Variants in ABCA9 observed in about 807,000 individuals in gnomAD.
ABCA9 encodes the protein ATP binding cassette subfamily A member 9.
ABCA9 carries 183 observed loss-of-function variants against 205.3 expected under a neutral mutation model. That is an observed-to-expected ratio of 0.89 (90% CI 0.79 to 1.01). The LOEUF (loss-of-function observed/expected upper bound fraction) is 1.01, where lower values mean the gene tolerates loss of function less well. Among genes scored for constraint, ABCA9 ranks in the 50% least tolerant of loss-of-function variants. The probability of loss-of-function intolerance (pLI) is 0.00; values close to 1 mark genes in which losing one functional copy is unlikely to be tolerated. For missense variants in ABCA9, 1,805 were observed against 1,912.4 expected (o/e 0.94, Z 1.05); for synonymous variants, 651 against 683.3 (o/e 0.95, Z 0.74).
chr17:69,029,877 A>G lies in ABCA9; in HGVS notation c.1446-650T>C, dbSNP rs546968957. On this transcript the variant is annotated intron_variant, in intron 10 of 38. Transcript: ENST00000340001. ...ACCAGGAAAATGATTTAAAACAAAG[A>G]AAGATTCTTAAAAGAGGGCAAAGAA... Among the ~76,000 whole-genome samples the G allele has an allele frequency of 3.3e-5, 5 of 152,328 alleles. No homozygotes were observed. In the South Asian group the frequency reaches 1.0e-3, roughly 32 times the overall value.
chr17:69,039,240 G>T (rs958126279), intron 6 of ABCA9, among the ~76,000 whole-genome samples: 4 of 152,036 alleles, frequency 2.6e-5, no homozygotes, highest in Non-Finnish European at 5.9e-5. Flanking sequence ...AACCAAAAAA[G>T]AGCCCACATA....
chr17:69,021,947 G>A, intron 17 of ABCA9, 86 bp from the exon 18 acceptor site: 1 of 1,139,278 alleles, frequency 8.8e-7, no homozygotes, highest in Non-Finnish European at 1.2e-6. Context: ...TTGGTAATAG[G>A]CCAAATGTAC....
chr17:69,060,720 TA>T, intron 1 of ABCA9, 145 bp downstream of exon 1: 1 of 518,840 alleles, frequency 1.9e-6, no homozygotes, highest in Non-Finnish European at 2.5e-6. Flanking sequence ...ACATACAAAA[TA>T]AAATAGATGA....
At chr17:69,036,984 G>A (rs2071364879) in intron 6 of ABCA9, among the ~76,000 whole-genome samples, 1 of 149,554 alleles carries the variant, frequency 6.7e-6, no homozygotes, top group Non-Finnish European at 1.5e-5. Flanking sequence ...TTACATAATG[G>A]TAAAGGGATC....
intron 25 of ABCA9, among the ~76,000 whole-genome samples, chr17:68,998,011 A>T (rs1200022515): frequency 1.3e-5 from 2 of 152,182 alleles, no homozygotes; most frequent in African/African-American, 4.8e-5. Flanking sequence ...CTTTTCCAGA[A>T]TGTCATTTAG....
At chr17:68,977,155 A>G in intron 37 of ABCA9, among the ~76,000 whole-genome samples, 1 of 152,090 alleles carries the variant, frequency 6.6e-6, no homozygotes, top group Non-Finnish European at 1.5e-5. Context: ...GATCACCTGG[A>G]AAGGGAAAGG....
Position 68,994,715 on chromosome 17 carries a change from C to A in ABCA9, c.3555+1180G>T, listed in dbSNP as rs117679379. Among the ~76,000 whole-genome samples, 452 of 152,248 alleles carry A rather than the reference C, an allele frequency of 3.0e-3. 7 individuals are homozygous for A. The East Asian group carries it at 0.042, about 14-fold the overall frequency. Reference sequence around the variant, plus strand: ...ACTCTCTGCCTCCTATGTTCATATTCTCTGATTATAATTTCATATTAAGCA... The same window carrying A: ...ACTCTCTGCCTCCTATGTTCATATTATCTGATTATAATTTCATATTAAGCA... On this transcript the variant is annotated intron_variant, in intron 26 of 38. Transcript: ENST00000340001.
At chr17:69,047,206 C>T (rs1441302603) in intron 3 of ABCA9, among the ~76,000 whole-genome samples, 1 of 150,892 alleles carries the variant, frequency 6.6e-6, no homozygotes, top group African/African-American at 2.4e-5. Flanking sequence ...ATCCGCCCAC[C>T]TCAGCCTCCC....
At chr17:69,042,566 A>G (rs2071579273) in intron 6 of ABCA9, 1 of 152,204 alleles carries the variant, frequency 6.6e-6, no homozygotes, top group African/African-American at 2.4e-5. Context: ...CACCATTCCT[A>G]ACATAAGGTA....
In ABCA9 at chr17:69,016,171, A is replaced by G. The variant is rs568985866; in HGVS notation, c.3039+82T>C. Reference sequence around the variant, plus strand: ...GTTTAAGAATAGATTCACAAAAAGTAATATAACATTATTTTAGCATTTCAA... The same window carrying G: ...GTTTAAGAATAGATTCACAAAAAGTGATATAACATTATTTTAGCATTTCAA... On this transcript the variant is annotated intron_variant, in intron 22 of 38. Transcript: ENST00000340001. 2.7e-5 allele frequency: 28 copies of G among 1,041,786 alleles called. No homozygotes were observed. The African/African-American group carries it at 4.9e-4, about 18-fold the overall frequency. 64.5% of individuals were successfully genotyped at this position (1,041,786 alleles called of 1,614,324 possible). A position where few individuals can be genotyped will look rare whatever the true frequency, so the allele number is the denominator to read the frequency against.
chr17:69,052,122 G>A (rs1218415159), intron 1 of ABCA9, among the ~76,000 whole-genome samples: 1 of 152,186 alleles, frequency 6.6e-6, no homozygotes, highest in East Asian at 1.9e-4. Flanking sequence ...TGTAATCCCA[G>A]CACTTTGGGA....
At chr17:69,061,130 T>C (rs191329054), upstream of ABCA9, 2 of 985,192 alleles carry the variant, frequency 2.0e-6, no homozygotes, top group Admixed American at 6.2e-5. Context: ...CAGCAGGGAG[T>C]TTGTAGTTGC....
chr17:69,006,428 C>G (rs1297684905), intron 25 of ABCA9, among the ~76,000 whole-genome samples: 1 of 152,188 alleles, frequency 6.6e-6, no homozygotes, highest in African/African-American at 2.4e-5. Flanking sequence ...ATAGCACATT[C>G]ATCAGTAGAC....
At chr17:69,020,708 T>G in intron 18 of ABCA9, 122 bp from the exon 19 acceptor site, 1 of 740,048 alleles carries the variant, frequency 1.4e-6, no homozygotes, top group Non-Finnish European at 2.2e-6. Flanking sequence ...ATACAAGTAA[T>G]CTAATGTATG....
intron 15 of ABCA9, among the ~76,000 whole-genome samples, chr17:69,026,763 T>C (rs2071002276): frequency 6.6e-6 from 1 of 152,224 alleles, no homozygotes; most frequent in Non-Finnish European, 1.5e-5. Context: ...GTGTGATATG[T>C]ATTTTACAAC....
chr17:69,000,855 A>G (rs2069838682), intron 25 of ABCA9, among the ~76,000 whole-genome samples: 1 of 147,762 alleles, frequency 6.8e-6, no homozygotes, highest in Non-Finnish European at 1.5e-5. Context: ...TGTAAGTTGG[A>G]TTCCTAGGTA....
At chr17:68,982,142 A>G (rs549130678) in intron 37 of ABCA9, among the ~76,000 whole-genome samples, 1 of 152,282 alleles carries the variant, frequency 6.6e-6, no homozygotes, top group African/African-American at 2.4e-5. Context: ...CCAAATTCAT[A>G]TGTTTCTGTT....
intron 6 of ABCA9, among the ~76,000 whole-genome samples, chr17:69,040,204 G>T (rs989212452): frequency 2.0e-5 from 3 of 152,174 alleles, no homozygotes; most frequent in African/African-American, 7.2e-5. Flanking sequence ...TCCCATTACT[G>T]GGTATATACG....
chr17:68,994,972 A>G (rs188660873), intron 26 of ABCA9, among the ~76,000 whole-genome samples: 31 of 152,238 alleles, frequency 2.0e-4, no homozygotes, highest in African/African-American at 7.5e-4. Flanking sequence ...CATCTCCTAG[A>G]AATATTTGCC....
Sources: allele counts gnomAD v4.1 joint callset (sites outside exome capture counted in the v4.1 genomes callset), GRCh38; gene constraint gnomAD v4.1.1; transcripts MANE v1.5; gene names NCBI Gene and HGNC (gene_info 2026-07-23, HGNC 2026-07-21).